IL1RN: variants seen among roughly 807,000 people sequenced by gnomAD.
The protein encoded by IL1RN is interleukin 1 receptor antagonist, also known as interleukin-1 receptor antagonist protein.
In IL1RN, 10 loss-of-function variants were observed where a neutral mutation model predicts 13.7. The ratio of observed to expected loss-of-function variants is 0.73; its 90% CI spans 0.45 to 1.24. The LOEUF (loss-of-function observed/expected upper bound fraction) is 1.24, where lower values mean the gene tolerates loss of function less well. IL1RN is among the 50% of genes most tolerant of loss of function. IL1RN has a pLI of 0.00. For missense variants in IL1RN, 213 were observed against 222.1 expected (o/e 0.96, Z 0.26); for synonymous variants, 102 against 82.7 (o/e 1.23, Z -1.27).
intron 1 of IL1RN, chr2:113,118,065 A>T: frequency 6.2e-7 from 1 of 1,613,362 alleles, no homozygotes; most frequent in Non-Finnish European, 8.5e-7. Flanking sequence ...CACCTGAGAA[A>T]TGAGAGAGGA....
intron 2 of IL1RN, among the ~76,000 whole-genome samples, chr2:113,121,021 C>CTCTTCTTCT (rs147542912): frequency 0.014 from 1,898 of 138,508 alleles, 53 homozygotes; most frequent in African/African-American, 0.049. Context: ...CCTCCTTCTC[C>CTCTTCTTCT]TCTTCTTCTT....
upstream of IL1RN, among the ~76,000 whole-genome samples, chr2:113,104,007 T>C (rs2104416788): frequency 6.6e-6 from 1 of 152,010 alleles, no homozygotes; most frequent in Admixed American, 6.5e-5. Context: ...TTTTTTTTTT[T>C]TCTTAAACCA....
chr2:113,103,358 A>G (rs1686342432), upstream of IL1RN, among the ~76,000 whole-genome samples: 1 of 151,876 alleles, frequency 6.6e-6, no homozygotes, highest in African/African-American at 2.4e-5. Flanking sequence ...TAAGGATCTC[A>G]AGATAGAAAG....
At chr2:113,116,292 A>G (rs1041615064), upstream of IL1RN, among the ~76,000 whole-genome samples, 3 of 152,330 alleles carry the variant, frequency 2.0e-5, no homozygotes, top group African/African-American at 7.2e-5. Context: ...TAGGTTTACA[A>G]AGTTGACATT....
At chr2:113,129,006 C>T (rs1687063367) in intron 1 of IL1RN, among the ~76,000 whole-genome samples, 1 of 152,174 alleles carries the variant, frequency 6.6e-6, no homozygotes. Flanking sequence ...AGGGAAAGAC[C>T]CTTCTGGTCT....
chr2:113,127,922 T>C (rs1687020995), intron 1 of IL1RN, among the ~76,000 whole-genome samples, 182 bp downstream of exon 1: 1 of 152,230 alleles, frequency 6.6e-6, no homozygotes, highest in East Asian at 1.9e-4. Context: ...TGTTTCAAAA[T>C]ATCCCAGATG....
upstream of IL1RN, among the ~76,000 whole-genome samples, chr2:113,109,652 C>G (rs1686460590): frequency 6.6e-6 from 1 of 151,382 alleles, no homozygotes; most frequent in African/African-American, 2.4e-5. Flanking sequence ...CCTTTTATAT[C>G]AGAGCAGAAT....
chr2:113,130,374 G>A (rs539757111), intron 2 of IL1RN, among the ~76,000 whole-genome samples: 15 of 152,342 alleles, frequency 9.8e-5, no homozygotes, highest in African/African-American at 3.4e-4. Flanking sequence ...ACTGAAGCAC[G>A]AGGAAGCTGA....
intron 1 of IL1RN, chr2:113,120,040 A>G (rs1307341766): frequency 2.5e-6 from 4 of 1,597,686 alleles, no homozygotes; most frequent in Admixed American, 1.7e-5. Flanking sequence ...TCTCTACACA[A>G]TGGGGTCCCA....
At chr2:113,124,384 G>A (rs1463371940), upstream of IL1RN, among the ~76,000 whole-genome samples, 2 of 152,098 alleles carry the variant, frequency 1.3e-5, no homozygotes, top group African/African-American at 4.8e-5. Flanking sequence ...TGAGGAAGAG[G>A]GAGAGAGCTT....
upstream of IL1RN, among the ~76,000 whole-genome samples, chr2:113,126,686 C>A (rs1270833383): frequency 2.0e-5 from 3 of 152,090 alleles, no homozygotes; most frequent in Non-Finnish European, 2.9e-5. Context: ...CCCTCCCTCC[C>A]TCCCTCTTTC....
intron 2 of IL1RN, among the ~76,000 whole-genome samples, chr2:113,121,021 C>CTCT (rs147542912): frequency 0.7 from 96,657 of 138,110 alleles, 36,604 homozygotes; most frequent in South Asian, 0.85. Context: ...CCTCCTTCTC[C>CTCT]TCTTCTTCTT....
chr2:113,133,831 C>G lies in IL1RN; in HGVS notation c.*960C>G, dbSNP rs1027720856. On this transcript the variant is annotated 3_prime_UTR_variant, in exon 4 of 4. Coordinates refer to ENST00000409930, the MANE Select transcript of IL1RN (RefSeq NM_173842.3). ...TGGCTGTGCCTCTGCCTGTCTCCCC[C>G]ACCGGGCTGGGAGCTCTGCAGAGCA... is the stretch of plus-strand genomic sequence containing the variant. The G allele has an allele frequency of 9.2e-5, 14 of 152,910 alleles. No homozygotes were observed. Among genetic ancestry groups the G allele is most frequent in the African/African-American group, 3.1e-4 (13 of 41,462 alleles). The allele number at this position is 152,910 out of a possible 1,614,324, so 9.5% of individuals were successfully genotyped here.
chr2:113,120,116 G>A (rs552080227), exon 2 of IL1RN: 2 of 1,612,992 alleles, frequency 1.2e-6, no homozygotes, highest in Admixed American at 1.7e-5. Flanking sequence ...TGAAGACAAT[G>A]CTGACTCAAA....
upstream of IL1RN, among the ~76,000 whole-genome samples, chr2:113,125,499 C>G (rs898696215): frequency 1.3e-5 from 2 of 152,246 alleles, no homozygotes; most frequent in African/African-American, 4.8e-5. Context: ...ATCCATCACC[C>G]AGGGAGGTGA....
upstream of IL1RN, among the ~76,000 whole-genome samples, chr2:113,117,281 C>T (rs896177839): frequency 1.3e-5 from 2 of 152,166 alleles, no homozygotes; most frequent in African/African-American, 4.8e-5. Flanking sequence ...ACATGGCTTC[C>T]ACGTAGTGCT....
rs768175558 is a variant in IL1RN, at chr2:113,129,547, C to T, written c.117-29C>T. On this transcript the variant is annotated intron_variant, in intron 1 of 3. Transcript: ENST00000409930. ...CAAGGCTGGGCACATGGTGGCTGTG[C>T]ACTACAGCTGAGTCCTTTTCCTTTT... is the stretch of plus-strand genomic sequence containing the variant. The T allele has an allele frequency of 1.1e-5, 15 of 1,399,496 alleles. No individual in the cohort carries two copies. In the South Asian group the frequency reaches 1.7e-4, roughly 16 times the overall value. 86.7% of individuals were successfully genotyped at this position (1,399,496 alleles called of 1,614,324 possible).
chr2:113,105,959 A>C (rs13382561), upstream of IL1RN, among the ~76,000 whole-genome samples: 1 of 152,122 alleles, frequency 6.6e-6, no homozygotes, highest in Non-Finnish European at 1.5e-5. Flanking sequence ...GAGTTGGAAC[A>C]AGAGCCTATT....
upstream of IL1RN, among the ~76,000 whole-genome samples, chr2:113,104,275 A>T (rs1428055484): frequency 1.3e-5 from 2 of 152,188 alleles, no homozygotes; most frequent in Admixed American, 1.3e-4. Flanking sequence ...GAGAGGAGTG[A>T]ATCTTTGGTA....
Sources: allele counts gnomAD v4.1 joint callset (sites outside exome capture counted in the v4.1 genomes callset), GRCh38; gene constraint gnomAD v4.1.1; transcripts MANE v1.5; gene names NCBI Gene and HGNC (gene_info 2026-07-23, HGNC 2026-07-21).